The following CCDC63 variants were observed in gnomAD, a reference collection of about 807,000 sequenced individuals.
CCDC63 encodes coiled-coil domain containing 63.
A neutral mutation model predicts 63.6 loss-of-function variants in CCDC63; 54 were observed. The ratio of observed to expected loss-of-function variants is 0.85; its 90% CI spans 0.68 to 1.07. The LOEUF (loss-of-function observed/expected upper bound fraction) is 1.07, where lower values mean the gene tolerates loss of function less well. CCDC63 is among the 50% of genes least tolerant of loss of function. CCDC63 has a pLI of 0.00. For missense variants in CCDC63, 637 were observed against 689.6 expected (o/e 0.92, Z 0.86); for synonymous variants, 253 against 266.1 (o/e 0.95, Z 0.48).
intron 4 of CCDC63, among the ~76,000 whole-genome samples, chr12:110,863,288 T>C (rs548309708): frequency 2.1e-5 from 3 of 144,144 alleles, no homozygotes; most frequent in African/African-American, 7.8e-5. Flanking sequence ...GTGTGTGTGT[T>C]CCAGCTGAAG....
chr12:110,898,971 T>C lies in CCDC63; in HGVS notation c.1188T>C (p.Tyr396=). The C allele has an allele frequency of 1.2e-6, 2 of 1,612,230 alleles. No homozygotes were observed. The highest frequency in any genetic ancestry group is 4.5e-5 in the East Asian group (2 of 44,782). Residue 396 remains tyrosine, a synonymous_variant, in exon 10 of 12, where the codon TAT becomes TAC. Transcript: ENST00000308208. ...LRKTTEEADM[Y]ESKYGEVSKT... ...AGACCACGGAGGAGGCAGATATGTATGAGAGCAAGTACGGGGAGGTCAGCA... is the reference window on the plus strand; with the variant it reads ...AGACCACGGAGGAGGCAGATATGTACGAGAGCAAGTACGGGGAGGTCAGCA...
intron 4 of CCDC63, among the ~76,000 whole-genome samples, chr12:110,868,404 G>C (rs1290237660): frequency 2.7e-5 from 4 of 150,088 alleles, no homozygotes; most frequent in Admixed American, 6.6e-5. Context: ...AGGTTGTAGC[G>C]AGCCGAGATC....
At chr12:110,896,860 C>T (rs1469358230) in intron 9 of CCDC63, among the ~76,000 whole-genome samples, 1 of 152,200 alleles carries the variant, frequency 6.6e-6, no homozygotes, top group Non-Finnish European at 1.5e-5. Context: ...TTACTGTGCA[C>T]CAGGATCACC....
intron 4 of CCDC63, among the ~76,000 whole-genome samples, chr12:110,869,584 G>A (rs2071037119): frequency 2.0e-5 from 3 of 152,148 alleles, no homozygotes; most frequent in Non-Finnish European, 4.4e-5. Context: ...GTGGGCTAAG[G>A]CTGCATTGTG....
At chr12:110,847,964 G>C (rs140876061) in intron 1 of CCDC63, among the ~76,000 whole-genome samples, 64 of 152,374 alleles carry the variant, frequency 4.2e-4, no homozygotes, top group African/African-American at 1.5e-3. Flanking sequence ...CAGGACTATG[G>C]ATGCTGTGGT....
At chr12:110,873,400 A>G (rs1039295947) in intron 4 of CCDC63, among the ~76,000 whole-genome samples, 3 of 152,198 alleles carry the variant, frequency 2.0e-5, no homozygotes, top group Middle Eastern at 3.2e-3. Flanking sequence ...TGACCCACCC[A>G]TTACATGCCA....
At chr12:110,853,997 C>T (rs2070738035) in intron 3 of CCDC63, among the ~76,000 whole-genome samples, 1 of 152,164 alleles carries the variant, frequency 6.6e-6, no homozygotes, top group Admixed American at 6.5e-5. Context: ...ATTCCAACCT[C>T]ACATTCCTGG....
At position 110,852,870 on chromosome 12, in the gene CCDC63, G is replaced by C; in HGVS notation, c.-85G>C. 4 of 1,609,728 alleles carry C rather than the reference G, an allele frequency of 2.5e-6. No homozygotes were observed. The highest frequency in any genetic ancestry group is 4.5e-5 in the East Asian group (2 of 44,842). On this transcript the variant is annotated 5_prime_UTR_variant, in exon 2 of 12. Coordinates refer to ENST00000308208, the MANE Select transcript of CCDC63 (RefSeq NM_152591.3). ...GCCACCATGAACAGGGCATTGCAGA[G>C]AGACAGAGAGAGAGAGGAAGGCTCA...
chr12:110,864,267 C>T (rs1566120060), intron 4 of CCDC63, among the ~76,000 whole-genome samples: 2 of 152,106 alleles, frequency 1.3e-5, no homozygotes, highest in Admixed American at 6.5e-5. Flanking sequence ...CCTCTTAGTC[C>T]GTGGAGCTTA....
At chr12:110,877,049 A>G (rs1288837718) in intron 5 of CCDC63, among the ~76,000 whole-genome samples, 2 of 152,004 alleles carry the variant, frequency 1.3e-5, no homozygotes, top group African/African-American at 4.8e-5. Flanking sequence ...TCTACTGTGT[A>G]TATTTAAGGT....
rs1455349473 is a variant in CCDC63, at chr12:110,898,097, C to T, written c.1150-836C>T. Among the ~76,000 whole-genome samples the T allele has an allele frequency of 4.6e-5, 7 of 151,286 alleles. No individual in the cohort carries two copies. In the East Asian group the frequency reaches 1.0e-3, roughly 22 times the overall value. On this transcript the variant is annotated intron_variant, in intron 9 of 11. Transcript: ENST00000308208. ...AGGAGTTCGAGACCAGCCTGGGCAA[C>T]GTGGTGAAACCCCATCTCTAAAAAA...
chr12:110,904,069 T>C lies in CCDC63; in HGVS notation c.1343-519T>C, dbSNP rs192172780. ...TATCTGTGTTGTATACATTAAGAAGTCAGAAGCCAGGCACGATGGCTCACG... is the reference window on the plus strand; with the variant it reads ...TATCTGTGTTGTATACATTAAGAAGCCAGAAGCCAGGCACGATGGCTCACG... On this transcript the variant is annotated intron_variant, in intron 10 of 11. Transcript: ENST00000308208. 2.8e-3 allele frequency among the ~76,000 whole-genome samples: 421 copies of C among 152,252 alleles called. 1 individual carries two copies. Among genetic ancestry groups the C allele is most frequent in the Non-Finnish European group, 4.6e-3 (310 of 68,018 alleles).
At chr12:110,890,778 T>C (rs886229697) in intron 8 of CCDC63, among the ~76,000 whole-genome samples, 59 of 144,656 alleles carry the variant, frequency 4.1e-4, no homozygotes, top group East Asian at 1.6e-3. Context: ...CTTTTCTTTT[T>C]TTTTTTTTTT....
At chr12:110,887,174 C>T (rs912240161) in intron 8 of CCDC63, among the ~76,000 whole-genome samples, 1 of 151,966 alleles carries the variant, frequency 6.6e-6, no homozygotes, top group Admixed American at 6.6e-5. Context: ...GTCACCCAGG[C>T]TGGACTGTAG....
intron 4 of CCDC63, among the ~76,000 whole-genome samples, chr12:110,859,058 GGCTTGGTTAT>G (rs1226314242): frequency 2.0e-5 from 3 of 152,144 alleles, no homozygotes; most frequent in Admixed American, 6.5e-5. Context: ...AGTTAGGAGA[GGCTTGGTTAT>G]GCTGCAGGAA....
At chr12:110,890,507 G>A (rs997238454) in intron 8 of CCDC63, among the ~76,000 whole-genome samples, 11 of 151,988 alleles carry the variant, frequency 7.2e-5, no homozygotes, top group Admixed American at 4.6e-4. Flanking sequence ...GAAAGTGTAG[G>A]CAATTCAGAA....
intron 4 of CCDC63, among the ~76,000 whole-genome samples, chr12:110,871,734 A>G (rs1272705838): frequency 6.6e-6 from 1 of 152,034 alleles, no homozygotes; most frequent in East Asian, 1.9e-4. Context: ...CATCACCAAG[A>G]TCAAGAGGTA....
intron 10 of CCDC63, among the ~76,000 whole-genome samples, chr12:110,902,874 C>T (rs143332343): frequency 0.011 from 1,655 of 146,402 alleles, 40 homozygotes; most frequent in African/African-American, 0.039. Context: ...CCCGACACCA[C>T]GCCCGGCTAA....
Position 110,878,209 on chromosome 12 carries a change from C to CAT in CCDC63, c.490-1689_490-1688dup, listed in dbSNP as rs558360251. 3.9e-5 allele frequency among the ~76,000 whole-genome samples: 6 copies of CAT among 152,208 alleles called. No individual in the cohort carries two copies. In the East Asian group the frequency reaches 7.7e-4, roughly 20 times the overall value. ...ACACATATGTATCCACATATACATA[C>CAT]ATATATATACCTATATGCATATATG... On this transcript the variant is annotated intron_variant, in intron 5 of 11. Coordinates refer to ENST00000308208, the MANE Select transcript of CCDC63 (RefSeq NM_152591.3).
Sources: gnomAD v4.1 joint callset for allele counts (sites outside exome capture counted in the v4.1 genomes callset) on GRCh38, gnomAD v4.1.1 for gene constraint, MANE v1.5 for transcripts, NCBI Gene and HGNC (gene_info 2026-07-23, HGNC 2026-07-21) for gene names.